Variants in ANO3 observed in about 807,000 individuals in gnomAD.
The protein encoded by ANO3 is anoctamin-3.
In ANO3, 99 loss-of-function variants were observed where a neutral mutation model predicts 144.8. The observed-to-expected ratio is 0.68, with a 90% CI of 0.58 to 0.81. The LOEUF is 0.81. Ranked by LOEUF, ANO3 falls within the 30% of genes least tolerant of loss-of-function variation. The pLI, the probability that ANO3 is intolerant of heterozygous loss-of-function variation, is 0.00. For synonymous variants in ANO3, 414 were observed against 392.6 expected (o/e 1.05, Z -0.64); for missense variants, 905 against 1,202.2 (o/e 0.75, Z 3.66).
intron 1 of ANO3, among the ~76,000 whole-genome samples, chr11:26,215,917 C>T (rs570799569): frequency 2.0e-5 from 3 of 152,036 alleles, no homozygotes; most frequent in African/African-American, 7.2e-5. Context: ...GTAAAGTTAT[C>T]AGGACTGTTA....
chr11:26,558,475 T>C (rs1850155691), intron 13 of ANO3, among the ~76,000 whole-genome samples: 1 of 152,164 alleles, frequency 6.6e-6, no homozygotes, highest in African/African-American at 2.4e-5. Context: ...TTATGAGCTC[T>C]GTGGGAGAAT....
At chr11:26,443,006 C>T (rs528463975) in intron 2 of ANO3, among the ~76,000 whole-genome samples, 1 of 152,194 alleles carries the variant, frequency 6.6e-6, no homozygotes, top group Non-Finnish European at 1.5e-5. Context: ...CCTTGTGATC[C>T]ACCTGCCTCG....
At chr11:26,244,144 AAAAAG>A (rs869181176) in intron 1 of ANO3, among the ~76,000 whole-genome samples, 9 of 137,748 alleles carry the variant, frequency 6.5e-5, no homozygotes, top group East Asian at 2.1e-4. Context: ...AAAGAAAAAG[AAAAAG>A]AAAAGAAAAG....
intron 1 of ANO3, among the ~76,000 whole-genome samples, chr11:26,273,432 TGAGA>T (rs1409013163): frequency 6.6e-6 from 1 of 151,816 alleles, no homozygotes. Context: ...GAAAGAGAAT[TGAGA>T]GAGAGAAAAT....
chr11:26,634,304 CT>C lies in ANO3; in HGVS notation c.1979del (p.Leu660TrpfsTer5). ...ACAGTTCCATCTTCTATATCGCTTTCTTTTTGGGAAGGTAAGTCAACTTTTT... is the reference window on the plus strand; with the variant it reads ...ACAGTTCCATCTTCTATATCGCTTTCTTTTGGGAAGGTAAGTCAACTTTTT... ...LNSSIFYIAF[F>X]LGRFVGHPGK... On this transcript the variant is annotated frameshift_variant, in exon 19 of 27. Coordinates refer to ENST00000256737, the MANE Select transcript of ANO3 (RefSeq NM_031418.4). LOFTEE classifies it high-confidence loss of function. 1 of 1,610,346 alleles carries C rather than the reference CT, an allele frequency of 6.2e-7. No individual in the cohort carries two copies.
intron 6 of ANO3, among the ~76,000 whole-genome samples, chr11:26,520,706 G>T (rs1469674592): frequency 6.6e-6 from 1 of 151,966 alleles, no homozygotes; most frequent in East Asian, 1.9e-4. Flanking sequence ...AGTCTTTAGA[G>T]CACCTTAAAA....
At chr11:26,229,759 G>GGTGTGAAA (rs1564925887) in intron 1 of ANO3, among the ~76,000 whole-genome samples, 1 of 151,210 alleles carries the variant, frequency 6.6e-6, no homozygotes, top group East Asian at 1.9e-4. Flanking sequence ...AGTTAGAAAG[G>GGTGTGAAA]GTGTGAAACT....
intron 1 of ANO3, among the ~76,000 whole-genome samples, chr11:26,266,577 G>A (rs1455391213): frequency 1.3e-5 from 2 of 151,626 alleles, no homozygotes; most frequent in African/African-American, 4.8e-5. Flanking sequence ...GGGATTACAG[G>A]CGTCCGCCAC....
At chr11:26,494,993 T>G (rs1014625480) in intron 4 of ANO3, among the ~76,000 whole-genome samples, 4 of 152,178 alleles carry the variant, frequency 2.6e-5, no homozygotes, top group African/African-American at 9.6e-5. Flanking sequence ...AAGAAGCCTA[T>G]AAAAATGGAA....
At chr11:26,553,442 T>C in intron 13 of ANO3, 97 bp downstream of exon 13, 1 of 740,680 alleles carries the variant, frequency 1.4e-6, no homozygotes, top group East Asian at 2.7e-5. Context: ...AGTTAAGTGT[T>C]CTCAAGAGTT....
intron 1 of ANO3, among the ~76,000 whole-genome samples, chr11:26,383,888 C>CTTTTTTTTTTTTTTTTTTTTTT (rs61094091): frequency 1.4e-5 from 1 of 70,148 alleles, no homozygotes; most frequent in Non-Finnish European, 2.5e-5. Context: ...ATGCATTGTT[C>CTTTTTTTTTTTTTTTTTTTTTT]TTTTTTTTTT....
At chr11:26,337,430 T>G (rs1452208255) in intron 1 of ANO3, among the ~76,000 whole-genome samples, 1 of 152,220 alleles carries the variant, frequency 6.6e-6, no homozygotes, top group East Asian at 1.9e-4. Flanking sequence ...GAATTTTAAT[T>G]ATCTAAAATA....
chr11:26,662,915 A>C lies in ANO3; in HGVS notation c.*2471A>C, dbSNP rs1041075366. 1.3e-5 allele frequency: 2 copies of C among 152,474 alleles called. No homozygotes were observed. Among genetic ancestry groups the C allele is most frequent in the Non-Finnish European group, 2.9e-5 (2 of 67,970 alleles). The allele number at this position is 152,474 out of a possible 1,614,324, so 9.4% of individuals were successfully genotyped here. A position where few individuals can be genotyped will look rare whatever the true frequency, so the allele number is the denominator to read the frequency against. On this transcript the variant is annotated 3_prime_UTR_variant, in exon 27 of 27. Coordinates refer to ENST00000256737, the MANE Select transcript of ANO3 (RefSeq NM_031418.4). ...TTATATGAATACAAATTATTTCTCA[A>C]AGATTTATAGCACACACTATTCTCA...
intron 1 of ANO3, among the ~76,000 whole-genome samples, chr11:26,312,148 T>C (rs1431281896): frequency 6.6e-6 from 1 of 152,210 alleles, no homozygotes; most frequent in African/African-American, 2.4e-5. Context: ...TCCAGTTTCA[T>C]CCATGTTCCT....
At chr11:26,461,501 A>T (rs1191949788) in intron 3 of ANO3, among the ~76,000 whole-genome samples, 1 of 152,000 alleles carries the variant, frequency 6.6e-6, no homozygotes, top group African/African-American at 2.4e-5. Flanking sequence ...CACAAGACAT[A>T]CTTAATATTT....
At chr11:26,461,266 A>C (rs1859386245) in intron 3 of ANO3, among the ~76,000 whole-genome samples, 1 of 152,060 alleles carries the variant, frequency 6.6e-6, no homozygotes, top group South Asian at 2.1e-4. Flanking sequence ...TAACTCCAAA[A>C]TTTCAGTTTC....
At chr11:26,339,277 C>G (rs780471026) in intron 1 of ANO3, among the ~76,000 whole-genome samples, 1 of 151,984 alleles carries the variant, frequency 6.6e-6, no homozygotes, top group Non-Finnish European at 1.5e-5. Context: ...GCCTCAGCCT[C>G]CTGAGTAGCT....
chr11:26,320,078 A>G (rs1854722424), intron 1 of ANO3, among the ~76,000 whole-genome samples: 1 of 152,136 alleles, frequency 6.6e-6, no homozygotes, highest in Non-Finnish European at 1.5e-5. Context: ...AGTGAGTGAG[A>G]TTATGATGCA....
At chr11:26,488,060 G>A (rs1860535094) in intron 4 of ANO3, among the ~76,000 whole-genome samples, 1 of 152,118 alleles carries the variant, frequency 6.6e-6, no homozygotes, top group South Asian at 2.1e-4. Flanking sequence ...CAGCTGCTGA[G>A]GAGGCTGAAG....
Sources: gnomAD v4.1 joint callset for allele counts (sites outside exome capture counted in the v4.1 genomes callset) on GRCh38, gnomAD v4.1.1 for gene constraint, MANE v1.5 for transcripts, NCBI Gene and HGNC (gene_info 2026-07-23, HGNC 2026-07-21) for gene names.